Variants in CAAP1 observed in about 807,000 individuals in gnomAD.
CAAP1 encodes conserved anti-apoptotic protein.
A neutral mutation model predicts 34.0 loss-of-function variants in CAAP1; 20 were observed. The observed-to-expected ratio is 0.59, with a 90% confidence interval of 0.41 to 0.86. The LOEUF (loss-of-function observed/expected upper bound fraction) is 0.86, where lower values mean the gene tolerates loss of function less well. Among genes scored for constraint, CAAP1 ranks in the 40% least tolerant of loss-of-function variants. The pLI is 0.00. For synonymous variants in CAAP1, 213 were observed against 166.7 expected (o/e 1.28, Z -2.14); for missense variants, 538 against 450.5 (o/e 1.19, Z -1.76).
At position 26,861,073 on chromosome 9, in the gene CAAP1, T is replaced by C; in HGVS notation, c.732A>G (p.Leu244=). 6.2e-7 allele frequency: 1 copy of C among 1,605,874 alleles called. No homozygotes were observed. The highest frequency in any genetic ancestry group is 8.5e-7 in the Non-Finnish European group (1 of 1,172,838). Residue 244 remains leucine, a synonymous_variant, in exon 5 of 6, where the codon TTA becomes TTG. Coordinates refer to ENST00000333916, the MANE Select transcript of CAAP1 (RefSeq NM_024828.4). ...RENKQPEGLE[L]KQGKGEDSDV... ...CAAGTACTTGGTTCATACCTTGTTTTAATTCCAAACCTTCAGGTTGCTTAT... is the reference window on the plus strand; with the variant it reads ...CAAGTACTTGGTTCATACCTTGTTTCAATTCCAAACCTTCAGGTTGCTTAT...
chr9:26,861,188 AATAT>A, intron 4 of CAAP1, 49 bp from the exon 5 acceptor site: 1 of 1,324,692 alleles, frequency 7.5e-7, no homozygotes, highest in Non-Finnish European at 1.1e-6. Context: ...TTAATCACAT[AATAT>A]TTACTACCCA....
chr9:26,873,723 G>A (rs920613349), intron 4 of CAAP1, among the ~76,000 whole-genome samples: 5 of 152,146 alleles, frequency 3.3e-5, no homozygotes, highest in African/African-American at 7.2e-5. Flanking sequence ...AAATTGTTGC[G>A]TTGTTAAGCG....
chr9:26,875,421 A>T (rs947639043), intron 4 of CAAP1, among the ~76,000 whole-genome samples: 15 of 152,218 alleles, frequency 9.9e-5, no homozygotes, highest in Non-Finnish European at 2.1e-4. Flanking sequence ...TGTCTCAAAA[A>T]ACAAAAACAA....
At chr9:26,856,134 G>GC (rs1282688198) in intron 5 of CAAP1, among the ~76,000 whole-genome samples, 1 of 139,288 alleles carries the variant, frequency 7.2e-6, no homozygotes, top group Non-Finnish European at 1.5e-5. Context: ...TAAAAGGGGG[G>GC]GGGTAGAATT....
At chr9:26,848,892 C>T (rs1822678216) in intron 5 of CAAP1, among the ~76,000 whole-genome samples, 1 of 152,294 alleles carries the variant, frequency 6.6e-6, no homozygotes, top group African/African-American at 2.4e-5. Context: ...CACTGAATAA[C>T]ATAAACATAT....
intron 1 of CAAP1, among the ~76,000 whole-genome samples, chr9:26,889,596 T>C (rs1823846261): frequency 6.6e-6 from 1 of 151,978 alleles, no homozygotes; most frequent in African/African-American, 2.4e-5. Context: ...GGCTCACAGC[T>C]GTAATCCCAG....
At chr9:26,859,388 T>C (rs1430872094) in intron 5 of CAAP1, among the ~76,000 whole-genome samples, 1 of 152,210 alleles carries the variant, frequency 6.6e-6, no homozygotes, top group Non-Finnish European at 1.5e-5. Context: ...AAACATCTTC[T>C]CTTACAAGGT....
At chr9:26,883,695 G>A (rs1415649455) in intron 4 of CAAP1, among the ~76,000 whole-genome samples, 1 of 152,092 alleles carries the variant, frequency 6.6e-6, no homozygotes, top group Non-Finnish European at 1.5e-5. Flanking sequence ...GAAACAAAAT[G>A]TTGATCAACG....
At chr9:26,863,288 T>C (rs947546166) in intron 4 of CAAP1, among the ~76,000 whole-genome samples, 3 of 152,144 alleles carry the variant, frequency 2.0e-5, no homozygotes, top group African/African-American at 7.2e-5. Context: ...CACCACCCTG[T>C]GGCAGAAAAG....
chr9:26,890,270 C>CT (rs1367001540), intron 1 of CAAP1, among the ~76,000 whole-genome samples: 6 of 151,820 alleles, frequency 4.0e-5, no homozygotes, highest in African/African-American at 1.5e-4. Flanking sequence ...ACTCAGGAGA[C>CT]TGAGCCAGGA....
chr9:26,849,465 G>A (rs1822690927), intron 5 of CAAP1, among the ~76,000 whole-genome samples: 1 of 152,132 alleles, frequency 6.6e-6, no homozygotes, highest in Non-Finnish European at 1.5e-5. Context: ...TTCTTTCGCT[G>A]CTCTGTAACA....
intron 5 of CAAP1, among the ~76,000 whole-genome samples, chr9:26,849,296 A>C (rs1176737555): frequency 6.6e-6 from 1 of 152,196 alleles, no homozygotes; most frequent in East Asian, 1.9e-4. Context: ...CCTTTCTCAT[A>C]AGCTATTTGC....
chr9:26,887,384 C>CT lies in CAAP1; in HGVS notation c.432dup (p.Glu145ArgfsTer21), dbSNP rs747686476. On this transcript the variant is annotated frameshift_variant, in exon 2 of 6. Coordinates refer to ENST00000333916, the MANE Select transcript of CAAP1 (RefSeq NM_024828.4). LOFTEE classifies it high-confidence loss of function. ...ATACAGAAGCACTGCTGAAGCATTT[C>CT]TTTTTTGTCTGATATATAGAAACTA... 1.2e-6 allele frequency: 2 copies of CT among 1,612,162 alleles called. No homozygotes were observed. The highest frequency in any genetic ancestry group is 1.7e-6 in the Non-Finnish European group (2 of 1,179,112).
intron 4 of CAAP1, 146 bp downstream of exon 4, chr9:26,884,664 C>G (rs1587127094): frequency 7.4e-6 from 5 of 677,596 alleles, no homozygotes; most frequent in African/African-American, 3.6e-5. Context: ...AAGGACCAAT[C>G]ATTACAAGTA....
At chr9:26,857,907 A>G (rs1390757468) in intron 5 of CAAP1, among the ~76,000 whole-genome samples, 2 of 152,212 alleles carry the variant, frequency 1.3e-5, no homozygotes, top group Non-Finnish European at 2.9e-5. Context: ...CTTAATTCAT[A>G]ATTAATACTT....
Position 26,892,148 on chromosome 9 carries a change from T to C in CAAP1, c.303+265A>G, listed in dbSNP as rs544793652. The C allele has an allele frequency of 6.1e-5, 52 of 850,928 alleles. No individual in the cohort carries two copies. The South Asian group carries it at 7.3e-4, about 12-fold the overall frequency. 52.7% of individuals were successfully genotyped at this position (850,928 alleles called of 1,614,324 possible). ...GTATTCTTCCGGCAGAGTGAAACCA[T>C]AGGAGTGGAAGGAGCCAAGAGTTTA... On this transcript the variant is annotated intron_variant, in intron 1 of 5. Transcript: ENST00000333916.
In CAAP1 at chr9:26,842,526, T is replaced by A. The variant is rs967151185; in HGVS notation, c.861A>T (p.Glu287Asp). 6.2e-7 allele frequency: 1 copy of A among 1,614,172 alleles called. No individual in the cohort carries two copies. The highest frequency in any genetic ancestry group is 8.5e-7 in the Non-Finnish European group (1 of 1,180,032). ...TCTCCAGGTCATCTATCTGACCAGC[T>A]TCACTTTGGACTGTATTTTCTGGTG... The part of the protein sequence containing the change: ...PEAPENTVQS[E>D]AGQIDDLEKD... Residue 287 changes from glutamate to aspartate, a missense_variant, in exon 6 of 6, where the codon GAA becomes GAT. By Grantham distance (45) the Glu-to-Asp change is conservative. This residue lies in a region of CAAP1 where 514 missense variants were observed against 408.4 expected (regional missense o/e 1.26). Coordinates refer to ENST00000333916, the MANE Select transcript of CAAP1 (RefSeq NM_024828.4).
Position 26,887,459 on chromosome 9 carries a change from T to C in CAAP1, c.358A>G (p.Ser120Gly). ...TCCAGTCCACCTTCTTCAAGGTCACTGTGCTCTGCCAAGAATAATTCTTTT... is the reference window on the plus strand; with the variant it reads ...TCCAGTCCACCTTCTTCAAGGTCACCGTGCTCTGCCAAGAATAATTCTTTT... ...LEKELFLAEH[S>G]DLEEGGLDLT... The change falls in exon 2 of 6, where the codon AGT (serine) becomes GGT (glycine). Residue 120 changes from serine to glycine, a missense_variant. Physicochemically the swap from Ser to Gly is moderately conservative, Grantham distance 56. This residue lies in a region of CAAP1 where 514 missense variants were observed against 408.4 expected (regional missense o/e 1.26). Coordinates refer to ENST00000333916, the MANE Select transcript of CAAP1 (RefSeq NM_024828.4). The C allele has an allele frequency of 6.2e-7, 1 of 1,613,308 alleles. No homozygotes were observed. The highest frequency in any genetic ancestry group is 8.5e-7 in the Non-Finnish European group (1 of 1,179,806).
intron 5 of CAAP1, among the ~76,000 whole-genome samples, chr9:26,852,228 T>C (rs983690765): frequency 6.6e-6 from 1 of 150,838 alleles, no homozygotes; most frequent in Non-Finnish European, 1.5e-5. Context: ...CCAAGGGAGG[T>C]GGATCACTTG....
Sources: allele counts gnomAD v4.1 joint callset (sites outside exome capture counted in the v4.1 genomes callset), GRCh38; gene constraint gnomAD v4.1.1; regional missense constraint gnomAD v4.1.1; transcripts MANE v1.5; gene names NCBI Gene and HGNC (gene_info 2026-07-23, HGNC 2026-07-21).